DDX4: variants seen among roughly 807,000 people sequenced by gnomAD.
DDX4 encodes the protein DEAD-box helicase 4.
DDX4 carries 25 observed loss-of-function variants against 100.0 expected under a neutral mutation model. The ratio of observed to expected loss-of-function variants is 0.25; its 90% confidence interval spans 0.18 to 0.35. The LOEUF is 0.35. Ranked by LOEUF, DDX4 falls within the 10% of genes least tolerant of loss-of-function variation. The pLI, the probability that DDX4 is intolerant of heterozygous loss-of-function variation, is 1.00. For missense variants in DDX4, 635 were observed against 882.4 expected, an observed-to-expected ratio of 0.72 and a Z score of 3.55; for synonymous variants, 259 against 275.7, an observed-to-expected ratio of 0.94 and a Z score of 0.60.
At position 55,798,424 on chromosome 5, in the gene DDX4, AGGTTGGCTGC is replaced by A; in HGVS notation, c.1470-1_1478del. ...TTAAAGAATAATCTTTTGTTTTTCAAGGTTGGCTGCAGAGTTTTTAAAGTCAAATTATCTG... is the reference window on the plus strand; with the variant it reads ...TTAAAGAATAATCTTTTGTTTTTCAAAGAGTTTTTAAAGTCAAATTATCTG... On this transcript the variant is annotated splice_acceptor_variant and coding_sequence_variant, in exon 18 of 22. Transcript: ENST00000505374. LOFTEE classifies it high-confidence loss of function. 1 of 1,608,234 alleles carries A rather than the reference AGGTTGGCTGC, an allele frequency of 6.2e-7. No individual in the cohort carries two copies. The highest frequency in any genetic ancestry group is 8.5e-7 in the Non-Finnish European group (1 of 1,177,566).
intron 3 of DDX4, among the ~76,000 whole-genome samples, chr5:55,751,901 T>C (rs550943560): frequency 6.3e-4 from 96 of 152,354 alleles, no homozygotes; most frequent in Non-Finnish European, 1.1e-3. Flanking sequence ...CCTTAGACTT[T>C]TGCCTTTCAC....
chr5:55,791,850 G>A (rs186986005), intron 16 of DDX4, among the ~76,000 whole-genome samples: 11 of 152,206 alleles, frequency 7.2e-5, no homozygotes, highest in African/African-American at 2.6e-4. Flanking sequence ...AGTGGCTCAC[G>A]CCTATAATCC....
intron 17 of DDX4, among the ~76,000 whole-genome samples, chr5:55,796,348 A>G (rs1175502436): frequency 6.6e-6 from 1 of 152,102 alleles, no homozygotes; most frequent in East Asian, 1.9e-4. Flanking sequence ...TACGGTAGTA[A>G]TCTCTAAAAT....
intron 7 of DDX4, among the ~76,000 whole-genome samples, chr5:55,770,606 G>A: frequency 6.6e-6 from 1 of 152,158 alleles, no homozygotes; most frequent in Non-Finnish European, 1.5e-5. Flanking sequence ...AGATACATCA[G>A]TGTTTTTACC....
chr5:55,784,524 A>G (rs971714881), intron 10 of DDX4, among the ~76,000 whole-genome samples: 3 of 152,224 alleles, frequency 2.0e-5, no homozygotes, highest in Admixed American at 6.5e-5. Flanking sequence ...CCGCAAATTA[A>G]CCATCACAGC....
At chr5:55,782,138 G>A in intron 10 of DDX4, 157 bp downstream of exon 10, 1 of 757,050 alleles carries the variant, frequency 1.3e-6, no homozygotes, top group Non-Finnish European at 2.1e-6. Flanking sequence ...AATTTACACA[G>A]CCTGTTTTAG....
intron 3 of DDX4, among the ~76,000 whole-genome samples, chr5:55,755,468 T>C (rs1304548789): frequency 6.6e-6 from 1 of 152,144 alleles, no homozygotes; most frequent in East Asian, 1.9e-4. Context: ...TTAAATGAAC[T>C]TTGTGTTCCT....
At chr5:55,803,067 T>G (rs1743426519) in intron 18 of DDX4, among the ~76,000 whole-genome samples, 1 of 151,720 alleles carries the variant, frequency 6.6e-6, no homozygotes, top group Admixed American at 6.6e-5. Context: ...TCATTTACAT[T>G]AGGTATATCT....
chr5:55,768,132 A>T (rs1580544693), intron 7 of DDX4, 192 bp downstream of exon 7: 2 of 575,780 alleles, frequency 3.5e-6, no homozygotes, highest in Admixed American at 3.0e-5. Context: ...CTTTTATTTT[A>T]TTTTTTTAAG....
chr5:55,808,412 G>A lies in DDX4; in HGVS notation c.1616-5261G>A, dbSNP rs553908982. Among the ~76,000 whole-genome samples, 4 of 152,316 alleles carry A rather than the reference G, an allele frequency of 2.6e-5. No individual in the cohort carries two copies. The South Asian group carries it at 8.3e-4, about 32-fold the overall frequency. The stretch of plus-strand genomic sequence containing the variant: ...GGCACTCTGATTTTTAGAGTTTCCA[G>A]TATTTCTGCCCTGTTTTTTCCCCAT... On this transcript the variant is annotated intron_variant, in intron 18 of 21. Transcript: ENST00000505374.
chr5:55,782,153 T>C, intron 10 of DDX4, 172 bp downstream of exon 10: 1 of 666,530 alleles, frequency 1.5e-6, no homozygotes. Context: ...TTTTAGATAG[T>C]TCCTTAATAC....
At chr5:55,757,069 G>T (rs1759984630) in intron 3 of DDX4, among the ~76,000 whole-genome samples, 1 of 152,064 alleles carries the variant, frequency 6.6e-6, no homozygotes, top group African/African-American at 2.4e-5. Flanking sequence ...GGTAAACTGG[G>T]TTAATTCTTT....
chr5:55,756,950 G>T (rs1759975929), intron 3 of DDX4, among the ~76,000 whole-genome samples: 1 of 152,042 alleles, frequency 6.6e-6, no homozygotes, highest in South Asian at 2.1e-4. Context: ...TCATGAAAGT[G>T]AATGTAAACT....
At chr5:55,813,554 G>A in intron 18 of DDX4, 119 bp from the exon 19 acceptor site, 1 of 1,334,016 alleles carries the variant, frequency 7.5e-7, no homozygotes, top group Non-Finnish European at 9.8e-7. Context: ...TGGCTGTGGT[G>A]CTGGTAGTAA....
At position 55,792,192 on chromosome 5, in the gene DDX4, C is replaced by T. The variant is rs182227053; in HGVS notation, c.1303-449C>T. Among the ~76,000 whole-genome samples, 340 of 149,070 alleles carry T rather than the reference C, an allele frequency of 2.3e-3. 1 individual carries two copies. The highest frequency in any genetic ancestry group is 0.014 in the South Asian group (68 of 4,708). On this transcript the variant is annotated intron_variant, in intron 16 of 21. Coordinates refer to ENST00000505374, the MANE Select transcript of DDX4 (RefSeq NM_024415.3). ...TAAGTAATTGCAGAAAGTTTTATTG[C>T]ACAGTGTTGATCTAGACATTTGGTT...
intron 2 of DDX4, chr5:55,742,345 C>G (rs1188779931): frequency 3.5e-6 from 1 of 287,392 alleles, no homozygotes; most frequent in African/African-American, 2.1e-5. Flanking sequence ...GTGATCACTT[C>G]TGTCTGATCT....
Position 55,802,280 on chromosome 5 carries a change from G to GC in DDX4, c.1615+3710dup, listed in dbSNP as rs147572882. Among the ~76,000 whole-genome samples the GC allele has an allele frequency of 3.3e-3, 502 of 152,292 alleles. 4 individuals carry two copies. The highest frequency in any genetic ancestry group is 0.012 in the African/African-American group (489 of 41,556). ...GGTTGGGATGGGGTGTCAGTGAGAT[G>GC]CGAGATCAGATATGATTTTAGAATG... On this transcript the variant is annotated intron_variant, in intron 18 of 21. Transcript: ENST00000505374.
intron 18 of DDX4, among the ~76,000 whole-genome samples, chr5:55,804,598 G>A (rs1342701015): frequency 6.6e-6 from 1 of 152,082 alleles, no homozygotes; most frequent in African/African-American, 2.4e-5. Context: ...CCCATTGCTT[G>A]TTTTTCTCAG....
At chr5:55,776,126 C>CA (rs1444686601) in intron 7 of DDX4, among the ~76,000 whole-genome samples, 5 of 151,622 alleles carry the variant, frequency 3.3e-5, no homozygotes, top group East Asian at 1.9e-4. Flanking sequence ...TCTCAAAAAA[C>CA]AAAAAACAAG....
Sources: allele counts gnomAD v4.1 joint callset (sites outside exome capture counted in the v4.1 genomes callset), GRCh38; gene constraint gnomAD v4.1.1; transcripts MANE v1.5; gene names NCBI Gene and HGNC (gene_info 2026-07-23, HGNC 2026-07-21).